The following STX12 variants were observed in gnomAD, a reference collection of about 807,000 sequenced individuals.
STX12 encodes syntaxin 12, also known as syntaxin-12.
STX12 carries 17 observed loss-of-function variants against 42.2 expected under a neutral mutation model. The ratio of observed to expected loss-of-function variants is 0.40; its 90% confidence interval spans 0.28 to 0.60. STX12 has a LOEUF of 0.60. Ranked by LOEUF, STX12 falls within the 20% of genes least tolerant of loss-of-function variation. The pLI, the probability that STX12 is intolerant of heterozygous loss-of-function variation, is 0.39. For synonymous variants in STX12, 108 were observed against 116.7 expected (o/e 0.93, Z 0.48); for missense variants, 297 against 330.9 (o/e 0.90, Z 0.79).
chr1:27,789,018 A>T (rs1020409161), intron 1 of STX12, among the ~76,000 whole-genome samples: 3 of 152,202 alleles, frequency 2.0e-5, no homozygotes, highest in Admixed American at 6.5e-5. Flanking sequence ...CTCAAAAAAA[A>T]AAAATAAATA....
At chr1:27,798,953 CAAAA>C (rs56799050) in intron 3 of STX12, among the ~76,000 whole-genome samples, 16 of 78,432 alleles carry the variant, frequency 2.0e-4, no homozygotes, top group African/African-American at 7.3e-4. Flanking sequence ...GACCCTGTCT[CAAAA>C]AAAAAAAAAA....
chr1:27,822,352 T>C lies in STX12; in HGVS notation c.*23T>C. 6.7e-7 allele frequency: 1 copy of C among 1,502,584 alleles called. No individual in the cohort carries two copies. The highest frequency in any genetic ancestry group is 9.3e-7 in the Non-Finnish European group (1 of 1,078,158). 93.1% of individuals were successfully genotyped at this position (1,502,584 alleles called of 1,614,324 possible). A position where few individuals can be genotyped will look rare whatever the true frequency, so the allele number is the denominator to read the frequency against. ...TGATTGCCTCCGATCGTTCTCCCGCTGAGCTGTTTTCAAGGGCAAGTGCTT... is the reference window on the plus strand; with the variant it reads ...TGATTGCCTCCGATCGTTCTCCCGCCGAGCTGTTTTCAAGGGCAAGTGCTT... On this transcript the variant is annotated 3_prime_UTR_variant, in exon 9 of 9. Transcript: ENST00000373943.
At chr1:27,802,447 T>C (rs79815529) in intron 4 of STX12, among the ~76,000 whole-genome samples, 1 of 152,186 alleles carries the variant, frequency 6.6e-6, no homozygotes, top group Non-Finnish European at 1.5e-5. Context: ...AAGTAAGCTC[T>C]TCTATCCCCC....
intron 2 of STX12, among the ~76,000 whole-genome samples, chr1:27,793,316 A>G (rs1452489789): frequency 6.6e-6 from 1 of 152,230 alleles, no homozygotes; most frequent in East Asian, 1.9e-4. Context: ...TCAGCAGGCT[A>G]TTGAAGCAGA....
chr1:27,810,045 T>G (rs964487991), intron 4 of STX12: 5 of 514,664 alleles, frequency 9.7e-6, no homozygotes, highest in African/African-American at 7.7e-5. Flanking sequence ...TGTTCAGGAC[T>G]CAAACTGGAA....
rs187183116 is a variant in STX12, at chr1:27,816,101, A to C, written c.577-1750A>C. 3.8e-4 allele frequency among the ~76,000 whole-genome samples: 58 copies of C among 152,098 alleles called. 2 individuals carry two copies. In the East Asian group the frequency reaches 0.011, roughly 30 times the overall value. On this transcript the variant is annotated intron_variant, in intron 6 of 8. Coordinates refer to ENST00000373943, the MANE Select transcript of STX12 (RefSeq NM_177424.3). The stretch of plus-strand genomic sequence containing the variant: ...GAGGCCAAAGTGGGTGGATCACCTG[A>C]GGTCAGGAGTTCGAGACCAGCCTGA...
intron 3 of STX12, among the ~76,000 whole-genome samples, chr1:27,800,490 TGTGTGTG>T (rs1394836909): frequency 2.6e-4 from 2 of 7,788 alleles, no homozygotes; most frequent in East Asian, 0.071. Flanking sequence ...CAGTATGTGG[TGTGTGTG>T]TGTGTGTGTG....
intron 3 of STX12, among the ~76,000 whole-genome samples, chr1:27,798,637 TC>T (rs2088803386): frequency 2.6e-5 from 2 of 75,926 alleles, no homozygotes; most frequent in African/African-American, 1.2e-4. Context: ...AGAGCGAGAC[TC>T]CCTCTCAAAA....
intron 7 of STX12, among the ~76,000 whole-genome samples, chr1:27,818,831 T>G (rs1303392265): frequency 2.0e-5 from 3 of 152,090 alleles, no homozygotes; most frequent in Admixed American, 1.3e-4. Flanking sequence ...TTTCTCCATG[T>G]TGGTCAGGCT....
In STX12 at chr1:27,783,788, CAT is replaced by C. The variant is rs1047773880; in HGVS notation, c.119-5772_119-5771del. Among the ~76,000 whole-genome samples, 7 of 152,298 alleles carry C rather than the reference CAT, an allele frequency of 4.6e-5. No homozygotes were observed. In the South Asian group the frequency reaches 1.2e-3, roughly 27 times the overall value. Reference sequence around the variant, plus strand: ...AAAAAGTTGTAGCACATCAGTCTAACATAAAACCTTCATTTAGTAGAATGCTT... The same window carrying C: ...AAAAAGTTGTAGCACATCAGTCTAACAAAACCTTCATTTAGTAGAATGCTT... On this transcript the variant is annotated intron_variant, in intron 1 of 8. Coordinates refer to ENST00000373943, the MANE Select transcript of STX12 (RefSeq NM_177424.3).
chr1:27,796,532 C>A (rs1469592011), intron 3 of STX12, among the ~76,000 whole-genome samples: 1 of 152,134 alleles, frequency 6.6e-6, no homozygotes, highest in Non-Finnish European at 1.5e-5. Flanking sequence ...GCTAGGACCA[C>A]AGGCATGTGC....
chr1:27,773,341 C>T lies in STX12; in HGVS notation c.34C>T (p.Pro12Ser). ...CGGTCCCTTAGACATGTACCGGAACCCGGGGCCCTCGGGGCCCCAGCTCCG... is the reference window on the plus strand; with the variant it reads ...CGGTCCCTTAGACATGTACCGGAACTCGGGGCCCTCGGGGCCCCAGCTCCG... ...SYGPLDMYRN[P>S]GPSGPQLRDF... Residue 12 changes from proline (P) to serine (S), a missense_variant, in exon 1 of 9, where the codon CCG becomes TCG. Pro to Ser is a moderately conservative substitution (Grantham distance 74). Transcript: ENST00000373943. The T allele has an allele frequency of 1.2e-6, 2 of 1,612,274 alleles. No homozygotes were observed. The highest frequency in any genetic ancestry group is 1.1e-5 in the South Asian group (1 of 90,934).
At chr1:27,820,920 A>G (rs1050498629) in intron 8 of STX12, among the ~76,000 whole-genome samples, 11 of 151,732 alleles carry the variant, frequency 7.2e-5, no homozygotes, top group African/African-American at 2.4e-4. Context: ...AAACTATTGC[A>G]AGAACAAAAA....
At chr1:27,778,461 C>A (rs1451033853) in intron 1 of STX12, among the ~76,000 whole-genome samples, 1 of 152,082 alleles carries the variant, frequency 6.6e-6, no homozygotes, top group Non-Finnish European at 1.5e-5. Flanking sequence ...GAGGCCGAGG[C>A]GATCGGATCA....
chr1:27,800,270 C>T (rs936762892), intron 3 of STX12, among the ~76,000 whole-genome samples: 1 of 152,198 alleles, frequency 6.6e-6, no homozygotes, highest in African/African-American at 2.4e-5. Context: ...TCTTACTTCA[C>T]TGTCCACCTT....
chr1:27,786,213 G>C (rs1317192696), intron 1 of STX12, among the ~76,000 whole-genome samples: 1 of 152,142 alleles, frequency 6.6e-6, no homozygotes, highest in African/African-American at 2.4e-5. Context: ...CCTCTCTGCT[G>C]TCTCTTGCTC....
At chr1:27,779,317 GGTTTT>G (rs1336480082) in intron 1 of STX12, among the ~76,000 whole-genome samples, 1 of 150,356 alleles carries the variant, frequency 6.7e-6, no homozygotes, top group Admixed American at 6.6e-5. Flanking sequence ...TGAATCAGAT[GGTTTT>G]TTTTGTTTTT....
chr1:27,808,482 C>T (rs1557805431), intron 4 of STX12, among the ~76,000 whole-genome samples: 1 of 151,884 alleles, frequency 6.6e-6, no homozygotes, highest in Non-Finnish European at 1.5e-5. Context: ...GCTGGGATTA[C>T]AGGCACCCAC....
At chr1:27,776,546 T>C (rs1422174763) in intron 1 of STX12, among the ~76,000 whole-genome samples, 1 of 151,948 alleles carries the variant, frequency 6.6e-6, no homozygotes, top group Non-Finnish European at 1.5e-5. Flanking sequence ...AGACCCCATC[T>C]CTACAAAAAA....
Sources: allele counts gnomAD v4.1 joint callset (sites outside exome capture counted in the v4.1 genomes callset), GRCh38; gene constraint gnomAD v4.1.1; transcripts MANE v1.5; gene names NCBI Gene and HGNC (gene_info 2026-07-23, HGNC 2026-07-21).